The following TNFRSF25 variants were observed in gnomAD, a reference collection of about 807,000 sequenced individuals.
The protein encoded by TNFRSF25 is TNF receptor superfamily member 25.
In TNFRSF25, 28 loss-of-function variants were observed where a neutral mutation model predicts 49.4. The ratio of observed to expected loss-of-function variants is 0.57; its 90% CI spans 0.42 to 0.78. The LOEUF (loss-of-function observed/expected upper bound fraction) is 0.78. Ranked by LOEUF, TNFRSF25 falls within the 30% of genes least tolerant of loss-of-function variation. The pLI is 0.00. For synonymous variants in TNFRSF25, 240 were observed against 234.2 expected, an observed-to-expected ratio of 1.02 and a Z score of -0.23; for missense variants, 531 against 581.6, an observed-to-expected ratio of 0.91 and a Z score of 0.90.
Position 6,461,479 on chromosome 1 carries a change from G to A in TNFRSF25, c.1209C>T (p.Asp403=). 1 of 1,575,760 alleles carries A rather than the reference G, an allele frequency of 6.3e-7. No homozygotes were observed. Among genetic ancestry groups the A allele is most frequent in the Non-Finnish European group, 8.6e-7 (1 of 1,163,272 alleles). ...GGCTGCGCAAGTCTTCCACGCAGCC[G>A]TCCAGCCCCATGCGCTCCAGGGCCG... ...VYAALERMGL[D]GCVEDLRSRL... is the part of the protein sequence containing the mutation. Residue 403 remains aspartate, a synonymous_variant, in exon 10 of 10, where the codon GAC becomes GAT. Coordinates refer to ENST00000356876, the MANE Select transcript of TNFRSF25 (RefSeq NM_003790.3). This position sits in a 1 kb window ranked among gnomAD's most constrained non-coding sequence, Gnocchi z 6.3.
In TNFRSF25 at chr1:6,461,495, T is replaced by A. The variant is rs1569778144; in HGVS notation, c.1193A>T (p.Glu398Val). The change falls in exon 10 of 10, where the codon GAG becomes GTG. Residue 398 changes from glutamate to valine, a missense_variant. Coordinates refer to ENST00000356876, the MANE Select transcript of TNFRSF25 (RefSeq NM_003790.3). This position sits in a 1 kb window ranked among gnomAD's most constrained non-coding sequence, Gnocchi z 6.3. ...AGLGAVYAAL[E>V]RMGLDGCVED... ...CACGCAGCCGTCCAGCCCCATGCGC[T>A]CCAGGGCCGCGTAAACGGCTCCGAG... is the stretch of plus-strand genomic sequence containing the variant. 9 of 1,591,790 alleles carry A rather than the reference T, an allele frequency of 5.7e-6. No homozygotes were observed. The East Asian group carries it at 2.0e-4, about 36-fold the overall frequency.
chr1:6,461,931 C>A lies in TNFRSF25; in HGVS notation c.925+63G>T. ...GGCAGAAAGGGAACACGTTGTGAAA[C>A]CACAACTTCCCACCGCAGACAGGAG... On this transcript the variant is annotated intron_variant, in intron 9 of 9. Coordinates refer to ENST00000356876, the MANE Select transcript of TNFRSF25 (RefSeq NM_003790.3). The surrounding 1 kb of genome is among the most constrained non-coding windows in gnomAD (Gnocchi z 6.3). 6.5e-7 allele frequency: 1 copy of A among 1,539,620 alleles called. No individual in the cohort carries two copies. Among genetic ancestry groups the A allele is most frequent in the South Asian group, 1.2e-5 (1 of 81,618 alleles).
At chr1:6,464,251 G>T in intron 5 of TNFRSF25, 124 bp downstream of exon 5, 1 of 1,510,376 alleles carries the variant, frequency 6.6e-7, no homozygotes, top group Non-Finnish European at 8.9e-7. Flanking sequence ...ACCCATCACA[G>T]GGCCAAGGCT....
Position 6,465,824 on chromosome 1 carries a change from C to T in TNFRSF25, c.39+245G>A, listed in dbSNP as rs1214207643. 4.2e-6 allele frequency: 6 copies of T among 1,424,656 alleles called. No individual in the cohort carries two copies. The African/African-American group carries it at 4.3e-5, about 10-fold the overall frequency. The allele number at this position is 1,424,656 out of a possible 1,614,324, so 88.3% of individuals were successfully genotyped here. On this transcript the variant is annotated intron_variant, in intron 1 of 9. Coordinates refer to ENST00000356876, the MANE Select transcript of TNFRSF25 (RefSeq NM_003790.3). The stretch of plus-strand genomic sequence containing the variant: ...GAATCCAGCAGCGCCCCCACCCCCA[C>T]CCATGCTTTCTGTTGGGGGAGGGAC...
At position 6,460,905 on chromosome 1, in the gene TNFRSF25, G is replaced by A. The variant is rs1002983447; in HGVS notation, c.*529C>T. The A allele has an allele frequency of 8.7e-6, 3 of 343,808 alleles. No individual in the cohort carries two copies. Among genetic ancestry groups the A allele is most frequent in the Admixed American group, 4.5e-5 (1 of 22,020 alleles). 21.3% of individuals were successfully genotyped at this position (343,808 alleles called of 1,614,324 possible). ...CCGACCCTGTCTCCGCCACCTCGCA[G>A]CCCCATTAAAGCGCTCTCATCTGGG... On this transcript the variant is annotated 3_prime_UTR_variant, in exon 10 of 10. Transcript: ENST00000356876.
chr1:6,461,242 TC>T lies in TNFRSF25; in HGVS notation c.*191del. On this transcript the variant is annotated 3_prime_UTR_variant, in exon 10 of 10. Coordinates refer to ENST00000356876, the MANE Select transcript of TNFRSF25 (RefSeq NM_003790.3). This position sits in a 1 kb window ranked among gnomAD's most constrained non-coding sequence, Gnocchi z 6.3. ...AGTTGAGAAATGTCTTCACCCCCTC[TC>T]GACATTCGTTCGTGCTTCTTCGCCT... is the stretch of plus-strand genomic sequence containing the variant. The T allele has an allele frequency of 1.3e-6, 1 of 763,698 alleles. No homozygotes were observed. The highest frequency in any genetic ancestry group is 2.7e-5 in the East Asian group (1 of 37,352). 47.3% of individuals were successfully genotyped at this position (763,698 alleles called of 1,614,324 possible).
intron 3 of TNFRSF25, 75 bp from the exon 4 acceptor site, chr1:6,464,794 T>TTA: frequency 6.6e-7 from 1 of 1,525,920 alleles, no homozygotes. Context: ...GCAGAGGCAT[T>TTA]ATCCCAAGAT....
At chr1:6,464,313 C>G in intron 5 of TNFRSF25, 62 bp downstream of exon 5, 1 of 1,558,496 alleles carries the variant, frequency 6.4e-7, no homozygotes, top group Non-Finnish European at 8.7e-7. Flanking sequence ...ACCTGCCCCA[C>G]CCCAGGCCCC....
intron 2 of TNFRSF25, 39 bp downstream of exon 2, chr1:6,465,401 T>C: frequency 6.2e-7 from 1 of 1,604,786 alleles, no homozygotes. Context: ...TCTCCAGCCC[T>C]GCCTGCCCCA....
Position 6,461,555 on chromosome 1 carries a change from A to C in TNFRSF25, c.1133T>G (p.Met378Arg), listed in dbSNP as rs1644171583. The C allele has an allele frequency of 1.2e-6, 2 of 1,609,902 alleles. No homozygotes were observed. The highest frequency in any genetic ancestry group is 1.7e-6 in the Non-Finnish European group (2 of 1,179,380). The change falls in exon 10 of 10, where the codon ATG (methionine) becomes AGG (arginine). Residue 378 changes from methionine to arginine, a missense_variant. By Grantham distance (91) the Met-to-Arg change is moderately conservative (BLOSUM62 -1). Coordinates refer to ENST00000356876, the MANE Select transcript of TNFRSF25 (RefSeq NM_003790.3). The surrounding 1 kb of genome is among the most constrained non-coding windows in gnomAD (Gnocchi z 6.3). The stretch of plus-strand genomic sequence containing the variant: ...CTGCTGCTGGCGCCAGCGCTTGAGC[A>C]TCTCGTACTGCTGGTCTCGGAAGCG... Reference protein sequence around the residue: ...IGRFRDQQYEMLKRWRQQQPA... With the variant: ...IGRFRDQQYERLKRWRQQQPA...
rs201638946 is a variant in TNFRSF25, at chr1:6,464,540, G to A, written c.463+12C>T. On this transcript the variant is annotated intron_variant, in intron 4 of 9. Coordinates refer to ENST00000356876, the MANE Select transcript of TNFRSF25 (RefSeq NM_003790.3). ...GGTCTGGGAGTAGAGAGCCCTGGGT[G>A]GGGGTACTCACAGAGTAGCCGTGTG... is the stretch of plus-strand genomic sequence containing the variant. The A allele has an allele frequency of 3.1e-6, 5 of 1,613,990 alleles. No homozygotes were observed. In the Admixed American group the frequency reaches 8.3e-5, roughly 27 times the overall value.
chr1:6,462,035 T>G lies in TNFRSF25; in HGVS notation c.884A>C (p.Gln295Pro), dbSNP rs1281750326. The change falls in exon 9 of 10, where the codon CAG (glutamine) becomes CCG (proline). Residue 295 changes from glutamine (Q) to proline (P), a missense_variant. Gln to Pro is a moderately conservative substitution (Grantham distance 76). Transcript: ENST00000356876. The surrounding 1 kb of genome is among the most constrained non-coding windows in gnomAD (Gnocchi z 4.2). ...CAACTGGTCCCAGGACCATGTCACCTGCGGGCAGAGCGCCTCCTGGGTCTC... is the reference window on the plus strand; with the variant it reads ...CAACTGGTCCCAGGACCATGTCACCGGCGGGCAGAGCGCCTCCTGGGTCTC... ...YPETQEALCP[Q>P]VTWSWDQLPS... The G allele has an allele frequency of 7.4e-6, 12 of 1,612,936 alleles. No individual in the cohort carries two copies. The highest frequency in any genetic ancestry group is 1.0e-5 in the Non-Finnish European group (12 of 1,179,804).
At position 6,461,142 on chromosome 1, in the gene TNFRSF25, A is replaced by G. The variant is rs538113260; in HGVS notation, c.*292T>C. 13 of 645,252 alleles carry G rather than the reference A, an allele frequency of 2.0e-5. No individual in the cohort carries two copies. Among genetic ancestry groups the G allele is most frequent in the African/African-American group, 2.0e-4 (11 of 55,238 alleles). 40.0% of individuals were successfully genotyped at this position (645,252 alleles called of 1,614,324 possible). On this transcript the variant is annotated 3_prime_UTR_variant, in exon 10 of 10. Transcript: ENST00000356876. This position sits in a 1 kb window ranked among gnomAD's most constrained non-coding sequence, Gnocchi z 6.3. ...AACACCCCAGCCCCGCAGAAACGCCAAGAAGCCGTTTTTGTTTTGTTTTGT... is the reference window on the plus strand; with the variant it reads ...AACACCCCAGCCCCGCAGAAACGCCGAGAAGCCGTTTTTGTTTTGTTTTGT...
In TNFRSF25 at chr1:6,465,092, C is replaced by A; in HGVS notation, c.291G>T (p.Glu97Asp). The A allele has an allele frequency of 6.2e-7, 1 of 1,612,670 alleles. No homozygotes were observed. The highest frequency in any genetic ancestry group is 8.5e-7 in the Non-Finnish European group (1 of 1,179,216). Residue 97 changes from glutamate to aspartate, a missense_variant, in exon 3 of 10, where the codon GAG becomes GAT. Coordinates refer to ENST00000356876, the MANE Select transcript of TNFRSF25 (RefSeq NM_003790.3). ...SECARCQACD[E>D]QASQVALENC... is the part of the protein sequence containing the mutation. The stretch of plus-strand genomic sequence containing the variant: ...AAGCACTGAGAAGCCCCTCACCCTG[C>A]TCATCACAGGCCTGGCAGCGGGCAC...
chr1:6,465,522 G>A lies in TNFRSF25; in HGVS notation c.78C>T (p.Gly26=), dbSNP rs200975138. Residue 26 remains glycine (G), a synonymous_variant, in exon 2 of 10, where the codon GGC becomes GGT. Transcript: ENST00000356876. ...LLVLLGARAQ[G]GTRSPRCDCA... is the part of the protein sequence containing the mutation. ...AGTCACACCTGGGGCTACGAGTGCCGCCCTGGGCCCGGGCCCCCAGCAGCA... is the reference window on the plus strand; with the variant it reads ...AGTCACACCTGGGGCTACGAGTGCCACCCTGGGCCCGGGCCCCCAGCAGCA... 2.4e-5 allele frequency: 38 copies of A among 1,613,428 alleles called. 1 individual carries two copies. The highest frequency in any genetic ancestry group is 3.3e-5 in the Admixed American group (2 of 59,990).
intron 2 of TNFRSF25, 36 bp downstream of exon 2, chr1:6,465,404 C>G: frequency 6.2e-7 from 1 of 1,613,338 alleles, no homozygotes; most frequent in African/African-American, 1.3e-5. Context: ...CCAGCCCTGC[C>G]TGCCCCATGC....
rs985434527 is a variant in TNFRSF25 at position 6,464,315 on chromosome 1, C to G, written c.542+60G>C. The G allele has an allele frequency of 3.8e-6, 6 of 1,559,582 alleles. No homozygotes were observed. In the African/African-American group the frequency reaches 8.1e-5, roughly 21 times the overall value. On this transcript the variant is annotated intron_variant, in intron 5 of 9. Transcript: ENST00000356876. ...CTGAACCAGCAGCACCTGCCCCACCCCAGGCCCCTGCTCTGCTCCCAGCCG... is the reference window on the plus strand; with the variant it reads ...CTGAACCAGCAGCACCTGCCCCACCGCAGGCCCCTGCTCTGCTCCCAGCCG...
rs1014967206 is a variant in TNFRSF25 at position 6,462,487 on chromosome 1, C to T, written c.744+142G>A. Reference sequence around the variant, plus strand: ...TTGAGGGCAGGCACTGTGCTGGTCTCATCCACTGATGACTCTGCTCCCAAC... The same window carrying T: ...TTGAGGGCAGGCACTGTGCTGGTCTTATCCACTGATGACTCTGCTCCCAAC... On this transcript the variant is annotated intron_variant, in intron 8 of 9. Coordinates refer to ENST00000356876, the MANE Select transcript of TNFRSF25 (RefSeq NM_003790.3). This position sits in a 1 kb window ranked among gnomAD's most constrained non-coding sequence, Gnocchi z 4.2. 4 of 1,513,678 alleles carry T rather than the reference C, an allele frequency of 2.6e-6. No individual in the cohort carries two copies. The African/African-American group carries it at 4.2e-5, about 16-fold the overall frequency. 93.8% of individuals were successfully genotyped at this position (1,513,678 alleles called of 1,614,324 possible). A position where few individuals can be genotyped will look rare whatever the true frequency, so the allele number is the denominator to read the frequency against.
Position 6,466,063 on chromosome 1 carries a change from A to C in TNFRSF25, c.39+6T>G. ...GCTGCCCCTAGCCTCCTGCGTCTCAACTCACCGCCGCCACCGCCGCGCAGC... is the reference window on the plus strand; with the variant it reads ...GCTGCCCCTAGCCTCCTGCGTCTCACCTCACCGCCGCCACCGCCGCGCAGC... On this transcript the variant is annotated splice_donor_region_variant and intron_variant, in intron 1 of 9. Coordinates refer to ENST00000356876, the MANE Select transcript of TNFRSF25 (RefSeq NM_003790.3). 1 of 1,576,536 alleles carries C rather than the reference A, an allele frequency of 6.3e-7. No homozygotes were observed. Among genetic ancestry groups the C allele is most frequent in the Non-Finnish European group, 8.6e-7 (1 of 1,164,062 alleles).
Sources: gnomAD v4.1 joint callset for allele counts on GRCh38, gnomAD v4.1.1 for gene constraint, Gnocchi (gnomAD v3.1) non-coding constraint, MANE v1.5 for transcripts, NCBI Gene and HGNC (gene_info 2026-07-23, HGNC 2026-07-21) for gene names.